NT5M: variants seen among roughly 807,000 people sequenced by gnomAD.
The protein encoded by NT5M is 5'(3')-deoxyribonucleotidase, mitochondrial.
NT5M carries 22 observed loss-of-function variants against 22.2 expected under a neutral mutation model. That is an observed-to-expected ratio of 0.99 (90% CI 0.71 to 1.41). NT5M has a LOEUF of 1.41. Ranked by LOEUF, NT5M falls within the 40% of genes most tolerant of loss-of-function variation. The pLI is 0.00. For synonymous variants in NT5M, 167 were observed against 133.0 expected (o/e 1.26, Z -1.76); for missense variants, 322 against 314.8 (o/e 1.02, Z -0.17).
At chr17:17,331,419 T>A (rs2049382866) in intron 3 of NT5M, among the ~76,000 whole-genome samples, 1 of 151,728 alleles carries the variant, frequency 6.6e-6, no homozygotes, top group Non-Finnish European at 1.5e-5. Flanking sequence ...CATTGAATTG[T>A]ACACTTTAAA....
chr17:17,319,399 A>T (rs1241671465), intron 2 of NT5M, among the ~76,000 whole-genome samples: 1 of 152,078 alleles, frequency 6.6e-6, no homozygotes, highest in Non-Finnish European at 1.5e-5. Flanking sequence ...TAAATATACT[A>T]ACATTTATTT....
At chr17:17,326,426 G>A (rs1473232740) in intron 3 of NT5M, among the ~76,000 whole-genome samples, 1 of 152,180 alleles carries the variant, frequency 6.6e-6, no homozygotes, top group Non-Finnish European at 1.5e-5. Flanking sequence ...AGGGATGTCA[G>A]GACCCCAGTC....
chr17:17,347,101 A>G lies in NT5M; in HGVS notation c.*154A>G, dbSNP rs2049777459. 1 of 1,013,650 alleles carries G rather than the reference A, an allele frequency of 9.9e-7. No homozygotes were observed. Among genetic ancestry groups the G allele is most frequent in the East Asian group, 2.6e-5 (1 of 38,120 alleles). 62.8% of individuals were successfully genotyped at this position (1,013,650 alleles called of 1,614,324 possible). A position where few individuals can be genotyped will look rare whatever the true frequency, so the allele number is the denominator to read the frequency against. ...GTCCCTTCCCTTCCCCAGCCCTGCC[A>G]GGCCTTAACCTGATCACGGGGCAGG... On this transcript the variant is annotated 3_prime_UTR_variant, in exon 5 of 5. Transcript: ENST00000389022.
intron 3 of NT5M, 58 bp downstream of exon 3, chr17:17,323,303 C>T (rs985455579): frequency 3.7e-5 from 51 of 1,366,908 alleles, no homozygotes; most frequent in African/African-American, 1.9e-4. Flanking sequence ...GTGAGGGGTA[C>T]GGGGCTCAGC....
In NT5M at chr17:17,305,402, C is replaced by CCA. The variant is rs1332478767; in HGVS notation, c.268-1140_268-1139insAC. ...CTGTGGTTAAAACAACCGCCCCCCCCCCCCCGCCCCCACACACGTGGCTCC... is the reference window on the plus strand; with the variant it reads ...CTGTGGTTAAAACAACCGCCCCCCCCCACCCCCGCCCCCACACACGTGGCTCC... On this transcript the variant is annotated intron_variant, in intron 1 of 4. Coordinates refer to ENST00000389022, the MANE Select transcript of NT5M (RefSeq NM_020201.4). Among the ~76,000 whole-genome samples, 59 of 129,422 alleles carry CCA rather than the reference C, an allele frequency of 4.6e-4. 1 individual carries two copies. The highest frequency in any genetic ancestry group is 8.4e-4 in the Non-Finnish European group (50 of 59,480). 84.9% of individuals were successfully genotyped at this position (129,422 alleles called of 152,430 possible). A position where few individuals can be genotyped will look rare whatever the true frequency, so the allele number is the denominator to read the frequency against.
intron 3 of NT5M, among the ~76,000 whole-genome samples, chr17:17,343,510 G>A (rs2142384264): frequency 6.6e-6 from 1 of 152,290 alleles, no homozygotes; most frequent in African/African-American, 2.4e-5. Flanking sequence ...TGTGGTGTCT[G>A]CCTTTGTGAA....
chr17:17,335,914 G>C (rs1448944869), intron 3 of NT5M, among the ~76,000 whole-genome samples: 3 of 151,728 alleles, frequency 2.0e-5, no homozygotes, highest in Admixed American at 2.0e-4. Flanking sequence ...TTACAGGCAT[G>C]AGCCACCACG....
intron 2 of NT5M, among the ~76,000 whole-genome samples, chr17:17,307,019 G>A (rs2048816537): frequency 6.6e-6 from 1 of 151,952 alleles, no homozygotes; most frequent in South Asian, 2.1e-4. Flanking sequence ...CCAACATGGA[G>A]AAACCCCATC....
At chr17:17,312,677 G>C (rs576530226) in intron 2 of NT5M, among the ~76,000 whole-genome samples, 2 of 151,592 alleles carry the variant, frequency 1.3e-5, no homozygotes, top group Non-Finnish European at 2.9e-5. Flanking sequence ...TTCTAGCCTG[G>C]GTGGGGTTTG....
chr17:17,335,727 G>T (rs1361197388), intron 3 of NT5M, among the ~76,000 whole-genome samples: 1 of 151,554 alleles, frequency 6.6e-6, no homozygotes, highest in Non-Finnish European at 1.5e-5. Context: ...CTGCCTCCTG[G>T]GTTCAAGCAG....
intron 2 of NT5M, among the ~76,000 whole-genome samples, chr17:17,318,480 CAAA>C (rs71355545): frequency 6.4e-4 from 27 of 42,108 alleles, no homozygotes; most frequent in Middle Eastern, 0.045. Context: ...GACTCTGTCT[CAAA>C]AAAAAAAAAA....
intron 3 of NT5M, among the ~76,000 whole-genome samples, chr17:17,326,486 T>C (rs1278647885): frequency 2.6e-5 from 4 of 152,198 alleles, no homozygotes; most frequent in Non-Finnish European, 4.4e-5. Flanking sequence ...CAGGACTGAT[T>C]AGAAGGATAT....
At chr17:17,329,877 T>A (rs1020253934) in intron 3 of NT5M, among the ~76,000 whole-genome samples, 11 of 151,664 alleles carry the variant, frequency 7.3e-5, no homozygotes, top group Admixed American at 4.0e-4. Flanking sequence ...GAAGCTGAGG[T>A]GGGAGGATTG....
chr17:17,331,995 T>C (rs1255099448), intron 3 of NT5M, among the ~76,000 whole-genome samples: 2 of 148,720 alleles, frequency 1.3e-5, no homozygotes, highest in Non-Finnish European at 2.9e-5. Context: ...TTGGCCAGGA[T>C]GGTCTTGATT....
In NT5M at chr17:17,344,884, A is replaced by G; in HGVS notation, c.520A>G (p.Ile174Val). The change falls in exon 4 of 5, where the codon ATA becomes GTA. Residue 174 changes from isoleucine to valine, a missense_variant. Transcript: ENST00000389022. Reference sequence around the variant, plus strand: ...GACCGTGGTCTCTGCTGACCTTCTCATAGACGACCGGCCGGACATCACAGG... The same window carrying G: ...GACCGTGGTCTCTGCTGACCTTCTCGTAGACGACCGGCCGGACATCACAGG... The part of the protein sequence containing the change: ...DKTVVSADLL[I>V]DDRPDITGAE... 6.2e-7 allele frequency: 1 copy of G among 1,614,190 alleles called. No homozygotes were observed. The highest frequency in any genetic ancestry group is 8.5e-7 in the Non-Finnish European group (1 of 1,180,012).
At position 17,303,508 on chromosome 17, in the gene NT5M, C is replaced by T. The variant is rs2048723902; in HGVS notation, c.-43C>T. The T allele has an allele frequency of 3.9e-6, 4 of 1,024,096 alleles. No individual in the cohort carries two copies. Among genetic ancestry groups the T allele is most frequent in the African/African-American group, 1.7e-5 (1 of 57,808 alleles). 63.4% of individuals were successfully genotyped at this position (1,024,096 alleles called of 1,614,324 possible). A position where few individuals can be genotyped will look rare whatever the true frequency, so the allele number is the denominator to read the frequency against. On this transcript the variant is annotated 5_prime_UTR_variant, in exon 1 of 5. Transcript: ENST00000389022. ...TCTGGCCGGCTCCGGCAGCACGGCG[C>T]GGCCCAGGTCCCCGCGCCCACGACG...
intron 2 of NT5M, among the ~76,000 whole-genome samples, chr17:17,310,494 G>A (rs758398881): frequency 1.3e-5 from 2 of 152,118 alleles, no homozygotes; most frequent in Non-Finnish European, 2.9e-5. Context: ...ACAAAGGATT[G>A]AATGAACATT....
intron 3 of NT5M, among the ~76,000 whole-genome samples, chr17:17,328,686 A>T (rs1246845228): frequency 6.6e-6 from 1 of 152,190 alleles, no homozygotes; most frequent in African/African-American, 2.4e-5. Flanking sequence ...CTTTGTTGCT[A>T]GAAGTGGAAA....
intron 2 of NT5M, among the ~76,000 whole-genome samples, chr17:17,317,962 C>CAAAAAAA (rs35320589): frequency 1.4e-5 from 1 of 74,064 alleles, no homozygotes; most frequent in Non-Finnish European, 2.3e-5. Flanking sequence ...ACTCCATGAT[C>CAAAAAAA]AAAAAAAAAA....
Sources: allele counts gnomAD v4.1 joint callset (sites outside exome capture counted in the v4.1 genomes callset), GRCh38; gene constraint gnomAD v4.1.1; transcripts MANE v1.5; gene names NCBI Gene and HGNC (gene_info 2026-07-23, HGNC 2026-07-21).